ITGA1: variants seen among roughly 807,000 people sequenced by gnomAD.
ITGA1 encodes the protein integrin subunit alpha 1, also known as integrin alpha-1.
A neutral mutation model predicts 145.9 loss-of-function variants in ITGA1; 85 were observed. That is an observed-to-expected ratio of 0.58 (90% CI 0.49 to 0.70). The LOEUF (loss-of-function observed/expected upper bound fraction) is 0.70, where lower values mean the gene tolerates loss of function less well. Ranked by LOEUF, ITGA1 falls within the 30% of genes least tolerant of loss-of-function variation. ITGA1 has a pLI of 0.00. For synonymous variants in ITGA1, 520 were observed against 495.3 expected (o/e 1.05, Z -0.66); for missense variants, 1,351 against 1,418.7 (o/e 0.95, Z 0.77).
At chr5:52,861,625 C>G in intron 3 of ITGA1, 66 bp downstream of exon 3, 1 of 919,428 alleles carries the variant, frequency 1.1e-6, no homozygotes, top group South Asian at 1.4e-5. Context: ...AATCCCCACA[C>G]TTTAAGAGGT....
chr5:52,844,744 A>AT lies in ITGA1; in HGVS notation c.62-4615dup, dbSNP rs200070080. ...ATGTTTATTTCCCATTATTTTTTGTATTTTTTCTATATTGTCTCTGAAGCC... is the reference window on the plus strand; with the variant it reads ...ATGTTTATTTCCCATTATTTTTTGTATTTTTTTCTATATTGTCTCTGAAGCC... On this transcript the variant is annotated intron_variant, in intron 1 of 28. Transcript: ENST00000282588. 6.4e-3 allele frequency among the ~76,000 whole-genome samples: 971 copies of AT among 151,722 alleles called. 17 individuals are homozygous for AT. Among genetic ancestry groups the AT allele is most frequent in the African/African-American group, 0.023 (941 of 41,356 alleles).
At chr5:52,850,259 G>C (rs6450092) in intron 2 of ITGA1, among the ~76,000 whole-genome samples, 85,555 of 151,918 alleles carry the variant, frequency 0.56, 25,860 homozygotes, top group African/African-American at 0.79. Flanking sequence ...CTCAGCCTCC[G>C]AAAGTGCTGG....
At chr5:52,861,412 G>A in intron 2 of ITGA1, 35 bp from the exon 3 acceptor site, 1 of 1,312,570 alleles carries the variant, frequency 7.6e-7, no homozygotes, top group Non-Finnish European at 1.1e-6. Context: ...GTTTCTCAAT[G>A]TTCAAAAATG....
chr5:52,802,470 G>A (rs1198618702), intron 1 of ITGA1: 2 of 152,162 alleles, frequency 1.3e-5, no homozygotes, highest in Admixed American at 1.3e-4. Context: ...GTTAGCATTA[G>A]TCATATTTGA....
intron 2 of ITGA1, among the ~76,000 whole-genome samples, chr5:52,852,318 A>G (rs1749442766): frequency 6.6e-6 from 1 of 152,210 alleles, no homozygotes; most frequent in South Asian, 2.1e-4. Context: ...GGGAATTTAC[A>G]TATAAATTGG....
intron 27 of ITGA1, among the ~76,000 whole-genome samples, chr5:52,946,289 C>T (rs1176816043): frequency 6.6e-6 from 1 of 152,132 alleles, no homozygotes; most frequent in Non-Finnish European, 1.5e-5. Context: ...TCCCAGCCTA[C>T]TCGGGAGACT....
chr5:52,816,549 A>G (rs1748778494), intron 1 of ITGA1, among the ~76,000 whole-genome samples: 1 of 152,158 alleles, frequency 6.6e-6, no homozygotes, highest in East Asian at 1.9e-4. Context: ...TACTGAATGG[A>G]CATTTTGTTA....
intron 23 of ITGA1, among the ~76,000 whole-genome samples, chr5:52,936,854 C>T (rs1352059749): frequency 2.0e-5 from 3 of 151,766 alleles, no homozygotes; most frequent in African/African-American, 7.3e-5. Flanking sequence ...CACGGTAGCC[C>T]TAGCTGGGGG....
intron 28 of ITGA1, among the ~76,000 whole-genome samples, chr5:52,949,440 G>A (rs974752001): frequency 6.6e-5 from 10 of 152,058 alleles, no homozygotes; most frequent in African/African-American, 1.9e-4. Context: ...TGGTGTCCTT[G>A]CAACAATCTT....
At chr5:52,800,986 C>T in intron 1 of ITGA1, 1 of 1,614,220 alleles carries the variant, frequency 6.2e-7, no homozygotes, top group South Asian at 1.1e-5. Flanking sequence ...GCGCCACATA[C>T]ACTTTGATGT....
intron 14 of ITGA1, among the ~76,000 whole-genome samples, chr5:52,914,645 A>G (rs1750615600): frequency 6.6e-6 from 1 of 151,410 alleles, no homozygotes; most frequent in Non-Finnish European, 1.5e-5. Flanking sequence ...TCACCTGTTT[A>G]AGGATGAAAA....
At position 52,905,754 on chromosome 5, in the gene ITGA1, T is replaced by A; in HGVS notation, c.1310-9T>A. On this transcript the variant is annotated splice_polypyrimidine_tract_variant and intron_variant, in intron 11 of 28. Transcript: ENST00000282588. ...CCAGGTGGTATACCTGGAATCTTTC[T>A]TTTGTTAGGTTACACTGTAAACTCT... 1 of 1,609,622 alleles carries A rather than the reference T, an allele frequency of 6.2e-7. No homozygotes were observed. Among genetic ancestry groups the A allele is most frequent in the Middle Eastern group, 1.7e-4 (1 of 6,034 alleles).
chr5:52,826,689 T>C (rs952606175), intron 1 of ITGA1, among the ~76,000 whole-genome samples: 6 of 152,202 alleles, frequency 3.9e-5, no homozygotes, highest in Admixed American at 1.3e-4. Flanking sequence ...TTAAGCACTA[T>C]GCTAAATCTA....
At chr5:52,834,056 A>T (rs1275260340) in intron 1 of ITGA1, among the ~76,000 whole-genome samples, 2 of 152,210 alleles carry the variant, frequency 1.3e-5, no homozygotes, top group African/African-American at 4.8e-5. Context: ...AGAACAATGT[A>T]CAATAACACA....
At chr5:52,836,132 G>T (rs1749158649) in intron 1 of ITGA1, among the ~76,000 whole-genome samples, 1 of 152,180 alleles carries the variant, frequency 6.6e-6, no homozygotes, top group Non-Finnish European at 1.5e-5. Flanking sequence ...TAGAAAGTCA[G>T]TAAGTGTTAC....
chr5:52,789,866 CAA>C (rs1251533175), intron 1 of ITGA1, among the ~76,000 whole-genome samples: 2 of 152,136 alleles, frequency 1.3e-5, no homozygotes, highest in African/African-American at 4.8e-5. Context: ...TCTAAAAAGA[CAA>C]GAGTGAAACT....
At chr5:52,872,027 T>G (rs1561233021) in intron 6 of ITGA1, among the ~76,000 whole-genome samples, 6 of 152,266 alleles carry the variant, frequency 3.9e-5, no homozygotes, top group Admixed American at 3.9e-4. Context: ...TTACCCTAAA[T>G]AAAACCAGTA....
chr5:52,922,994 A>G (rs2111875633), intron 18 of ITGA1, 107 bp downstream of exon 18: 1 of 640,412 alleles, frequency 1.6e-6, no homozygotes, highest in South Asian at 2.0e-5. Flanking sequence ...AGAACGAACA[A>G]CTAACTGGAA....
intron 17 of ITGA1, among the ~76,000 whole-genome samples, chr5:52,922,098 C>T (rs559659516): frequency 3.3e-5 from 5 of 151,944 alleles, no homozygotes; most frequent in South Asian, 2.1e-4. Flanking sequence ...GTCAGGAGTT[C>T]GAGACCAGCC....
Sources: gnomAD v4.1 joint callset for allele counts (sites outside exome capture counted in the v4.1 genomes callset) on GRCh38, gnomAD v4.1.1 for gene constraint, MANE v1.5 for transcripts, NCBI Gene and HGNC (gene_info 2026-07-23, HGNC 2026-07-21) for gene names.